Variants in REPS2 observed in about 807,000 individuals in gnomAD.
REPS2 encodes the protein ralBP1-associated Eps domain-containing protein 2.
A neutral mutation model predicts 53.6 loss-of-function variants in REPS2; 23 were observed. The observed-to-expected ratio is 0.43, with a 90% confidence interval of 0.31 to 0.61. The LOEUF (loss-of-function observed/expected upper bound fraction) is 0.61. REPS2 is among the 20% of genes least tolerant of loss of function. REPS2 has a pLI of 0.11. For synonymous variants in REPS2, 238 were observed against 218.6 expected, an observed-to-expected ratio of 1.09 and a Z score of -0.78; for missense variants, 446 against 534.9, an observed-to-expected ratio of 0.83 and a Z score of 1.64.
chrX:17,182,668 T>C, the REPS2 span, among the ~76,000 whole-genome samples: 1 of 112,112 alleles, frequency 8.9e-6, no homozygotes, highest in Non-Finnish European at 1.9e-5. Context: ...TTTTTGTCCA[T>C]TTTAAAATGG....
At position 17,027,137 on chromosome X, in the gene REPS2, T is replaced by C. The variant is rs758479025; in HGVS notation, c.673+1952T>C. 2.8e-4 allele frequency among the ~76,000 whole-genome samples: 31 copies of C among 111,648 alleles called. No homozygotes were observed. In the East Asian group the frequency reaches 8.8e-3, roughly 32 times the overall value. The stretch of plus-strand genomic sequence containing the variant: ...TTCAATTTGAGTTTTAGCAAATGGA[T>C]AGGCCCTTGTAGCTACCACTTTGAT... On this transcript the variant is annotated intron_variant, in intron 4 of 17. Transcript: ENST00000357277.
intron 13 of REPS2, among the ~76,000 whole-genome samples, chrX:17,086,124 G>A (rs1447624384): frequency 9.0e-6 from 1 of 111,130 alleles, no homozygotes; most frequent in Admixed American, 9.5e-5. Flanking sequence ...CATCTACCTT[G>A]TAGACTTTTT....
intron 1 of REPS2, 94 bp from the exon 2 acceptor site, chrX:17,006,121 TAGCCAC>T: frequency 1.0e-6 from 1 of 992,897 alleles, no homozygotes; most frequent in Admixed American, 2.5e-5. Flanking sequence ...CTTTTTTGGT[TAGCCAC>T]TAGGTGAAAT....
intron 1 of REPS2, among the ~76,000 whole-genome samples, chrX:17,001,143 A>G (rs1033639748): frequency 8.9e-6 from 1 of 112,638 alleles, no homozygotes; most frequent in African/African-American, 3.2e-5. Flanking sequence ...AGTTCTGTAG[A>G]TGCTGATATG....
intron 9 of REPS2, among the ~76,000 whole-genome samples, chrX:17,067,019 A>G (rs1336682419): frequency 1.2e-4 from 14 of 112,395 alleles, no homozygotes; most frequent in African/African-American, 4.5e-4. Context: ...AGGTAAACCA[A>G]TTAACTTTTT....
intron 14 of REPS2, among the ~76,000 whole-genome samples, chrX:17,111,204 A>G (rs2062966208): frequency 8.9e-6 from 1 of 112,194 alleles, no homozygotes; most frequent in Non-Finnish European, 1.9e-5. Context: ...TTATCAAATT[A>G]AAACTCCGTG....
At chrX:17,088,162 T>G (rs1342279940) in intron 13 of REPS2, among the ~76,000 whole-genome samples, 1 of 111,402 alleles carries the variant, frequency 9.0e-6, no homozygotes, top group Non-Finnish European at 1.9e-5. Context: ...TAACTAATCC[T>G]GAAAAAAAGA....
At chrX:17,010,954 G>A (rs1437551181) in intron 2 of REPS2, among the ~76,000 whole-genome samples, 3 of 111,679 alleles carry the variant, frequency 2.7e-5, no homozygotes, top group Non-Finnish European at 3.8e-5. Context: ...TCTGCAGTCC[G>A]GTCTGAGCAT....
At chrX:17,173,719 T>C in the REPS2 span, among the ~76,000 whole-genome samples, 4 of 112,100 alleles carry the variant, frequency 3.6e-5, no homozygotes, top group Admixed American at 2.8e-4. Context: ...ATTTGAACCT[T>C]AGTGTTCCAA....
intron 17 of REPS2, among the ~76,000 whole-genome samples, chrX:17,142,793 A>G (rs1182679057): frequency 2.7e-5 from 3 of 112,180 alleles, no homozygotes; most frequent in Non-Finnish European, 5.6e-5. Flanking sequence ...GCAGTTTCCT[A>G]TGAAGTTATA....
the REPS2 span, among the ~76,000 whole-genome samples, chrX:17,159,150 C>CT: frequency 8.9e-6 from 1 of 111,808 alleles, no homozygotes; most frequent in Non-Finnish European, 1.9e-5. Flanking sequence ...AACTGATCCC[C>CT]TTTTCACTTT....
intron 1 of REPS2, among the ~76,000 whole-genome samples, chrX:16,998,510 T>C (rs1360974899): frequency 8.9e-6 from 1 of 112,156 alleles, no homozygotes; most frequent in African/African-American, 3.2e-5. Flanking sequence ...TTTTTCACAC[T>C]TTAGCATGAT....
intron 1 of REPS2, 83 bp downstream of exon 1, chrX:16,947,217 G>T (rs1417934895): frequency 1.1e-6 from 1 of 934,987 alleles, no homozygotes; most frequent in East Asian, 4.6e-5. Context: ...CGACAGGGCT[G>T]CCCCCAGGGA....
At position 17,148,707 on chromosome X, in the gene REPS2, C is replaced by T. The variant is rs1028452644; in HGVS notation, c.*1226C>T. The T allele has an allele frequency of 1.1e-5, 2 of 180,205 alleles. No individual in the cohort carries two copies. The highest frequency in any genetic ancestry group is 3.1e-5 in the African/African-American group (1 of 32,602). 14.9% of individuals were successfully genotyped at this position (180,205 alleles called of 1,213,427 possible). On this transcript the variant is annotated 3_prime_UTR_variant, in exon 18 of 18. Coordinates refer to ENST00000357277, the MANE Select transcript of REPS2 (RefSeq NM_004726.3). Reference sequence around the variant, plus strand: ...AGAAATTTAAGTAGCTACTGCTTCTCCTGAAAGCCCAAGTTGAAAATGGGA... The same window carrying T: ...AGAAATTTAAGTAGCTACTGCTTCTTCTGAAAGCCCAAGTTGAAAATGGGA...
intron 1 of REPS2, among the ~76,000 whole-genome samples, chrX:17,001,962 CT>C: frequency 8.9e-6 from 1 of 112,053 alleles, no homozygotes; most frequent in Non-Finnish European, 1.9e-5. Flanking sequence ...GTTCAAGTCC[CT>C]CCCACACACG....
intron 4 of REPS2, among the ~76,000 whole-genome samples, chrX:17,029,201 G>A (rs2061679913): frequency 9.0e-6 from 1 of 111,662 alleles, no homozygotes; most frequent in Admixed American, 9.5e-5. Flanking sequence ...CTCATATTTA[G>A]AATTTGAACA....
downstream of REPS2, among the ~76,000 whole-genome samples, chrX:17,155,378 C>A (rs1012002243): frequency 9.0e-6 from 1 of 111,599 alleles, no homozygotes; most frequent in Non-Finnish European, 1.9e-5. Context: ...GGGCAGCCAT[C>A]ATGACCTAAT....
chrX:17,063,459 C>A (rs761759786), intron 9 of REPS2, among the ~76,000 whole-genome samples: 2 of 111,499 alleles, frequency 1.8e-5, no homozygotes, highest in African/African-American at 6.5e-5. Flanking sequence ...TGGATGGCAC[C>A]GTCTGCTCCC....
chrX:16,976,151 TC>T (rs2060952223), intron 1 of REPS2, among the ~76,000 whole-genome samples: 1 of 111,631 alleles, frequency 9.0e-6, no homozygotes, highest in Non-Finnish European at 1.9e-5. Flanking sequence ...AACGCCAACT[TC>T]CTGGGGTAAG....
Sources: allele counts gnomAD v4.1 joint callset (sites outside exome capture counted in the v4.1 genomes callset), GRCh38; gene constraint gnomAD v4.1.1; transcripts MANE v1.5; gene names NCBI Gene and HGNC (gene_info 2026-07-23, HGNC 2026-07-21).